AKAP1: variants seen among roughly 807,000 people sequenced by gnomAD.
AKAP1 encodes the protein A-kinase anchoring protein 1, also known as A-kinase anchor protein 1, mitochondrial.
A neutral mutation model predicts 79.8 loss-of-function variants in AKAP1; 32 were observed. That is an observed-to-expected ratio of 0.40 (90% CI 0.30 to 0.54). The LOEUF (loss-of-function observed/expected upper bound fraction) is 0.54, where lower values mean the gene tolerates loss of function less well. Ranked by LOEUF, AKAP1 falls within the 20% of genes least tolerant of loss-of-function variation. AKAP1 has a pLI of 0.47. For missense variants in AKAP1, 961 were observed against 1,138.9 expected, an observed-to-expected ratio of 0.84 and a Z score of 2.25; for synonymous variants, 416 against 466.7, an observed-to-expected ratio of 0.89 and a Z score of 1.40.
chr17:57,106,549 A>T lies in AKAP1; in HGVS notation c.1085A>T (p.Gln362Leu), dbSNP rs890756314. Residue 362 changes from glutamine (Q) to leucine (L), a missense_variant, in exon 2 of 11, where the codon CAG becomes CTG. Transcript: ENST00000337714. The part of the protein sequence containing the change: ...ISQVISEATE[Q>L]VLATTVGKVA... ...CAAGTGATCTCAGAAGCAACCGAAC[A>T]GGTGCTGGCCACCACGGTTGGCAAG... 4 of 1,614,108 alleles carry T rather than the reference A, an allele frequency of 2.5e-6. No individual in the cohort carries two copies. In the African/African-American group the frequency reaches 5.3e-5, roughly 22 times the overall value.
chr17:57,089,091 A>T (rs529657606), intron 1 of AKAP1, among the ~76,000 whole-genome samples: 5 of 152,330 alleles, frequency 3.3e-5, no homozygotes, highest in Admixed American at 3.3e-4. Flanking sequence ...CGGTGATTCT[A>T]GGCAGGCTGG....
chr17:57,114,465 C>T lies in AKAP1; in HGVS notation c.2110C>T (p.Leu704=), dbSNP rs751238373. 1.2e-6 allele frequency: 2 copies of T among 1,613,982 alleles called. No individual in the cohort carries two copies. Among genetic ancestry groups the T allele is most frequent in the South Asian group, 2.2e-5 (2 of 91,084 alleles). ...PSLPMTSWLM[L]PDGITVEVIV... ...TCCCCCTTCCCCTCTACAGCTCATG[C>T]TGCCTGATGGCATCACCGTGGAGGT... Residue 704 remains leucine, a synonymous_variant, in exon 6 of 11, where the codon CTG becomes TTG. Coordinates refer to ENST00000337714, the MANE Select transcript of AKAP1 (RefSeq NM_003488.4).
At position 57,115,951 on chromosome 17, in the gene AKAP1, G is replaced by T. The variant is rs145186451; in HGVS notation, c.2282-160G>T. Among the ~76,000 whole-genome samples the T allele has an allele frequency of 9.2e-5, 14 of 152,256 alleles. No individual in the cohort carries two copies. The East Asian group carries it at 2.7e-3, about 30-fold the overall frequency. On this transcript the variant is annotated intron_variant, in intron 6 of 10. Transcript: ENST00000337714. ...TTTTCCCTCGGCTGGTCTTGGGCTT[G>T]GGGGAGGCTTTGCTTGGGGCCGGTT...
At position 57,107,157 on chromosome 17, in the gene AKAP1, G is replaced by A. The variant is rs761469440; in HGVS notation, c.1693G>A (p.Ala565Thr). ...GGCTGAGGATGGATGGACCATGGATGCGGAAGCAGATCATTCAGGAGGTAG... is the reference window on the plus strand; with the variant it reads ...GGCTGAGGATGGATGGACCATGGATACGGAAGCAGATCATTCAGGAGGTAG... ...LGAEDGWTMD[A>T]EADHSGGSDR... The change falls in exon 2 of 11, where the codon GCG (alanine) becomes ACG (threonine). Residue 565 changes from alanine (A) to threonine (T), a missense_variant. Around this residue, in one of 3 missense-constraint regions of AKAP1, gnomAD observed 629 missense variants for 781.1 expected, o/e 0.81. Transcript: ENST00000337714. 3.1e-6 allele frequency: 5 copies of A among 1,608,042 alleles called. No homozygotes were observed. The highest frequency in any genetic ancestry group is 8.5e-7 in the Non-Finnish European group (1 of 1,175,606).
In AKAP1 at chr17:57,116,189, A is replaced by G. The variant is rs1915571146; in HGVS notation, c.2360A>G (p.Asn787Ser). The G allele has an allele frequency of 1.2e-6, 2 of 1,614,186 alleles. No individual in the cohort carries two copies. The highest frequency in any genetic ancestry group is 8.5e-7 in the Non-Finnish European group (1 of 1,180,022). Reference protein sequence around the residue: ...AQVVASYEETNEVEIRYVDYG... With the variant: ...AQVVASYEETSEVEIRYVDYG... ...GTGGTTGCCTCCTACGAGGAGACCA[A>G]CGAAGTGGAGATTCGATACGTGGAC... Residue 787 changes from asparagine (N) to serine (S), a missense_variant, in exon 7 of 11, where the codon AAC becomes AGC. Physicochemically the swap from Asn to Ser is conservative, Grantham distance 46. Around this residue, in one of 3 missense-constraint regions of AKAP1, gnomAD observed 629 missense variants for 781.1 expected, o/e 0.81. Transcript: ENST00000337714.
Position 57,116,274 on chromosome 17 carries a change from G to T in AKAP1, c.2432+13G>T. On this transcript the variant is annotated intron_variant, in intron 7 of 10. Coordinates refer to ENST00000337714, the MANE Select transcript of AKAP1 (RefSeq NM_003488.4). ...TCCGGCAAATCAGGTGAGCGGAGAT[G>T]CCTCAGGCAGGCCTACGCCCTGCTT... 3.7e-6 allele frequency: 6 copies of T among 1,614,022 alleles called. No individual in the cohort carries two copies. Among genetic ancestry groups the T allele is most frequent in the Non-Finnish European group, 5.1e-6 (6 of 1,179,960 alleles).
At chr17:57,117,872 G>A (rs551223504) in intron 8 of AKAP1, among the ~76,000 whole-genome samples, 7 of 152,096 alleles carry the variant, frequency 4.6e-5, no homozygotes, top group South Asian at 2.1e-4. Context: ...CTGCCGCAGC[G>A]CCTTGCCCAC....
intron 1 of AKAP1, 47 bp from the exon 2 acceptor site, chr17:57,105,394 A>G (rs1397754883): frequency 2.5e-6 from 4 of 1,573,220 alleles, no homozygotes; most frequent in Admixed American, 3.3e-5. Flanking sequence ...GTATCCTCCT[A>G]CCTGGCTCTG....
intron 2 of AKAP1, among the ~76,000 whole-genome samples, chr17:57,108,963 A>T (rs1321623666): frequency 1.3e-5 from 2 of 152,182 alleles, no homozygotes; most frequent in African/African-American, 4.8e-5. Flanking sequence ...CTTCCCCCAG[A>T]AGGGGTACTT....
chr17:57,100,446 C>CACACACACACACACACACACACAT (rs893082167), intron 1 of AKAP1, among the ~76,000 whole-genome samples: 1 of 128,860 alleles, frequency 7.8e-6, no homozygotes, highest in African/African-American at 2.6e-5. Context: ...CACACACACA[C>CACACACACACACACACACACACAT]GCACACACAC....
chr17:57,118,070 C>T (rs955355343), intron 8 of AKAP1, among the ~76,000 whole-genome samples: 4 of 151,972 alleles, frequency 2.6e-5, no homozygotes, highest in East Asian at 3.9e-4. Context: ...TGCCAGCATC[C>T]GAGTTGGTGG....
chr17:57,087,603 T>C (rs2144612147), intron 1 of AKAP1, among the ~76,000 whole-genome samples: 1 of 152,330 alleles, frequency 6.6e-6, no homozygotes, highest in South Asian at 2.1e-4. Flanking sequence ...TACTGGGGAC[T>C]GTGATAGGTG....
At position 57,116,916 on chromosome 17, in the gene AKAP1, T is replaced by C. The variant is rs1183185227; in HGVS notation, c.2489T>C (p.Met830Thr). ...GCAGAAGTCCTTCTGGACAGTGTGA[T>C]GCCCCTGTCAGGTAACAGCTGAGGC... ...QGAEVLLDSV[M>T]PLSDDDQFSP... Residue 830 changes from methionine to threonine, a missense_variant, in exon 8 of 11, where the codon ATG becomes ACG. This residue lies in a region of AKAP1 where 629 missense variants were observed against 781.1 expected (regional missense o/e 0.81). Coordinates refer to ENST00000337714, the MANE Select transcript of AKAP1 (RefSeq NM_003488.4). 3.7e-6 allele frequency: 6 copies of C among 1,614,046 alleles called. No individual in the cohort carries two copies. In the African/African-American group the frequency reaches 5.3e-5, roughly 14 times the overall value.
chr17:57,096,771 T>C (rs1164020722), intron 1 of AKAP1: 2 of 152,342 alleles, frequency 1.3e-5, no homozygotes, highest in East Asian at 3.9e-4. Flanking sequence ...AAGGTAGGTG[T>C]TGGCGGCTGC....
At chr17:57,099,767 T>G (rs1379448370) in intron 1 of AKAP1, among the ~76,000 whole-genome samples, 2 of 152,134 alleles carry the variant, frequency 1.3e-5, no homozygotes, top group Non-Finnish European at 2.9e-5. Flanking sequence ...CAGTGGTGAT[T>G]CTGTGCATTC....
rs769623163 is a variant in AKAP1, at chr17:57,110,012, T to G, written c.1715-13T>G. On this transcript the variant is annotated splice_polypyrimidine_tract_variant and intron_variant, in intron 2 of 10. Transcript: ENST00000337714. ...TCTGTGTGTGTGCGTGCCTGCTGCTTCTTCCCCTGCAGGTTCTGACAGGAA... is the reference window on the plus strand; with the variant it reads ...TCTGTGTGTGTGCGTGCCTGCTGCTGCTTCCCCTGCAGGTTCTGACAGGAA... The G allele has an allele frequency of 1.9e-6, 3 of 1,613,492 alleles. No homozygotes were observed. The highest frequency in any genetic ancestry group is 1.7e-5 in the Admixed American group (1 of 59,974).
At chr17:57,119,296 C>T (rs1915776160) in intron 10 of AKAP1, among the ~76,000 whole-genome samples, 1 of 152,158 alleles carries the variant, frequency 6.6e-6, no homozygotes, top group Admixed American at 6.5e-5. Context: ...AATTATCCAA[C>T]CGCAAATGTC....
intron 1 of AKAP1, among the ~76,000 whole-genome samples, chr17:57,104,491 G>A (rs894725233): frequency 8.5e-5 from 13 of 152,312 alleles, no homozygotes; most frequent in Admixed American, 8.5e-4. Context: ...AGCATAAATC[G>A]AAAATAAATA....
intron 5 of AKAP1, among the ~76,000 whole-genome samples, chr17:57,113,580 C>T (rs1268624563): frequency 7.1e-6 from 1 of 141,584 alleles, no homozygotes; most frequent in Admixed American, 7.2e-5. Flanking sequence ...GAGGCTCGGT[C>T]GTAGACTCAC....
Sources: gnomAD v4.1 joint callset for allele counts (sites outside exome capture counted in the v4.1 genomes callset) on GRCh38, gnomAD v4.1.1 for gene constraint, gnomAD v4.1.1 regional missense constraint, MANE v1.5 for transcripts, NCBI Gene and HGNC (gene_info 2026-07-23, HGNC 2026-07-21) for gene names.